Variants in BBX observed in about 807,000 individuals in gnomAD.
BBX encodes BBX high mobility group box domain containing, also known as HMG box transcription factor BBX.
BBX carries 30 observed loss-of-function variants against 100.2 expected under a neutral mutation model. The ratio of observed to expected loss-of-function variants is 0.30; its 90% CI spans 0.22 to 0.41. The LOEUF is 0.41. Among genes scored for constraint, BBX ranks in the 10% least tolerant of loss-of-function variants. BBX has a pLI of 1.00. For missense variants in BBX, 1,023 were observed against 1,129.8 expected (o/e 0.91, Z 1.35); for synonymous variants, 376 against 388.1 (o/e 0.97, Z 0.37).
chr3:107,782,085 C>T (rs914281114), intron 13 of BBX, among the ~76,000 whole-genome samples: 1 of 152,072 alleles, frequency 6.6e-6, no homozygotes, highest in Non-Finnish European at 1.5e-5. Flanking sequence ...CCGCTGCCAC[C>T]AGATTTCTAC....
At chr3:107,589,626 T>G (rs928002016) in intron 2 of BBX, among the ~76,000 whole-genome samples, 2 of 152,206 alleles carry the variant, frequency 1.3e-5, no homozygotes, top group Non-Finnish European at 2.9e-5. Flanking sequence ...AAGTCTTGAC[T>G]TGGTTTTTGA....
intron 7 of BBX, among the ~76,000 whole-genome samples, chr3:107,734,767 T>C (rs976310656): frequency 1.3e-5 from 2 of 152,184 alleles, no homozygotes; most frequent in East Asian, 3.8e-4. Flanking sequence ...TTTCCCCTTT[T>C]TGCTTAAAGT....
intron 2 of BBX, among the ~76,000 whole-genome samples, chr3:107,603,674 G>C (rs1005256431): frequency 6.6e-6 from 1 of 151,990 alleles, no homozygotes; most frequent in Non-Finnish European, 1.5e-5. Flanking sequence ...CACCGTACCC[G>C]GCCTCCTTGT....
chr3:107,720,945 C>A (rs947028656), intron 5 of BBX, among the ~76,000 whole-genome samples: 2 of 151,950 alleles, frequency 1.3e-5, no homozygotes, highest in African/African-American at 4.8e-5. Flanking sequence ...ATCTGGAGAA[C>A]TTTTCTTAAC....
intron 17 of BBX, among the ~76,000 whole-genome samples, chr3:107,804,054 G>C (rs1464884160): frequency 6.6e-6 from 1 of 150,628 alleles, no homozygotes; most frequent in Non-Finnish European, 1.5e-5. Context: ...CTTGAACAAA[G>C]AGCTGAACAT....
intron 13 of BBX, among the ~76,000 whole-genome samples, chr3:107,780,909 A>G (rs1181223166): frequency 6.6e-6 from 1 of 151,962 alleles, no homozygotes; most frequent in Non-Finnish European, 1.5e-5. Flanking sequence ...TGTGTATGAG[A>G]TCATTAGTTC....
At chr3:107,776,609 CT>C (rs568317738) in intron 12 of BBX, among the ~76,000 whole-genome samples, 6 of 152,100 alleles carry the variant, frequency 3.9e-5, no homozygotes, top group Non-Finnish European at 7.4e-5. Context: ...CATTTTAAAC[CT>C]TTTTTTATCT....
At chr3:107,783,788 T>G (rs897816176) in intron 13 of BBX, among the ~76,000 whole-genome samples, 5 of 152,100 alleles carry the variant, frequency 3.3e-5, no homozygotes, top group Non-Finnish European at 2.9e-5. Flanking sequence ...TGATATATTT[T>G]CTTTGTACTT....
At chr3:107,745,833 G>A (rs1326102840) in intron 8 of BBX, among the ~76,000 whole-genome samples, 1 of 152,114 alleles carries the variant, frequency 6.6e-6, no homozygotes. Context: ...CGGCTTAAGA[G>A]ATGATCCTTG....
intron 2 of BBX, among the ~76,000 whole-genome samples, chr3:107,556,536 G>A (rs2050112014): frequency 6.6e-6 from 1 of 152,134 alleles, no homozygotes. Context: ...TTGATTAACA[G>A]AACCAATGAG....
At chr3:107,696,643 T>C (rs1337029188) in intron 3 of BBX, among the ~76,000 whole-genome samples, 1 of 151,884 alleles carries the variant, frequency 6.6e-6, no homozygotes, top group Non-Finnish European at 1.5e-5. Context: ...TTTTCCTTCA[T>C]TTCACCTTTG....
chr3:107,592,638 G>A (rs2053412520), intron 2 of BBX, among the ~76,000 whole-genome samples: 2 of 152,104 alleles, frequency 1.3e-5, no homozygotes, highest in South Asian at 4.1e-4. Flanking sequence ...GTATGTATGA[G>A]CTCATGTTTT....
At chr3:107,581,668 G>A (rs1017884720) in intron 2 of BBX, among the ~76,000 whole-genome samples, 8 of 152,022 alleles carry the variant, frequency 5.3e-5, no homozygotes, top group African/African-American at 1.9e-4. Flanking sequence ...TTCATACTCC[G>A]TCGTTAGTGT....
At chr3:107,653,642 G>A (rs142178351) in intron 3 of BBX, among the ~76,000 whole-genome samples, 115 of 152,234 alleles carry the variant, frequency 7.6e-4, no homozygotes, top group African/African-American at 2.6e-3. Flanking sequence ...AAACGGATGA[G>A]TTATCTAATT....
In BBX at chr3:107,606,534, G is replaced by T. The variant is rs574563718; in HGVS notation, c.-83-39302G>T. 2.0e-4 allele frequency among the ~76,000 whole-genome samples: 31 copies of T among 152,112 alleles called. 1 individual carries two copies. The South Asian group carries it at 3.3e-3, about 16-fold the overall frequency. ...ATGCGACACTTTTGAAACATCCTTG[G>T]TTTCTCTACCCCAGTATTTCCAAAT... On this transcript the variant is annotated intron_variant, in intron 2 of 17. Transcript: ENST00000325805.
chr3:107,644,667 A>G (rs1434159827), intron 2 of BBX, among the ~76,000 whole-genome samples: 1 of 152,166 alleles, frequency 6.6e-6, no homozygotes, highest in Non-Finnish European at 1.5e-5. Context: ...AAGTATTCAT[A>G]TGTGTCCTTT....
At chr3:107,680,978 T>C (rs920540740) in intron 3 of BBX, among the ~76,000 whole-genome samples, 3 of 152,166 alleles carry the variant, frequency 2.0e-5, no homozygotes, top group African/African-American at 7.2e-5. Context: ...TTTACGTGTG[T>C]TGTACCATGG....
intron 5 of BBX, among the ~76,000 whole-genome samples, chr3:107,725,144 C>CA (rs2062824667): frequency 1.3e-5 from 2 of 152,070 alleles, no homozygotes; most frequent in African/African-American, 4.8e-5. Flanking sequence ...AGTTGGATTG[C>CA]TAGGTATTTT....
At chr3:107,700,959 A>G (rs796574357) in intron 3 of BBX, among the ~76,000 whole-genome samples, 2 of 151,732 alleles carry the variant, frequency 1.3e-5, no homozygotes, top group Non-Finnish European at 2.9e-5. Context: ...TATACCCAGT[A>G]ATGGGATGGC....
Sources: gnomAD v4.1 joint callset for allele counts (sites outside exome capture counted in the v4.1 genomes callset) on GRCh38, gnomAD v4.1.1 for gene constraint, MANE v1.5 for transcripts, NCBI Gene and HGNC (gene_info 2026-07-23, HGNC 2026-07-21) for gene names.